CDH12: variants seen among roughly 807,000 people sequenced by gnomAD.
CDH12 encodes the protein cadherin 12, also known as cadherin-12.
CDH12 carries 41 observed loss-of-function variants against 74.1 expected under a neutral mutation model. That is an observed-to-expected ratio of 0.55 (90% CI 0.43 to 0.72). The LOEUF (loss-of-function observed/expected upper bound fraction) is 0.72, where lower values mean the gene tolerates loss of function less well. Among genes scored for constraint, CDH12 ranks in the 30% least tolerant of loss-of-function variants. The pLI is 0.00. For synonymous variants in CDH12, 399 were observed against 355.0 expected (o/e 1.12, Z -1.39); for missense variants, 945 against 977.2 (o/e 0.97, Z 0.44).
intron 1 of CDH12, among the ~76,000 whole-genome samples, chr5:22,684,561 T>A (rs1444631273): frequency 6.6e-6 from 1 of 152,150 alleles, no homozygotes; most frequent in Non-Finnish European, 1.5e-5. Context: ...TAATTCCAGG[T>A]AAAGCATAAA....
At chr5:22,735,217 A>C (rs947917632) in intron 1 of CDH12, among the ~76,000 whole-genome samples, 2 of 151,912 alleles carry the variant, frequency 1.3e-5, no homozygotes, top group Non-Finnish European at 1.5e-5. Context: ...GCCGTACATT[A>C]AATGTGTGGC....
chr5:22,275,919 T>G (rs563025100), intron 3 of CDH12, among the ~76,000 whole-genome samples: 15 of 152,274 alleles, frequency 9.9e-5, no homozygotes, highest in African/African-American at 3.6e-4. Flanking sequence ...GTGTCCTGCA[T>G]AGCAAATATT....
chr5:22,241,944 T>C (rs908489394), intron 3 of CDH12, among the ~76,000 whole-genome samples: 1 of 152,130 alleles, frequency 6.6e-6, no homozygotes, highest in Admixed American at 6.5e-5. Flanking sequence ...AAATCATATA[T>C]GGAAAGGTTT....
At chr5:21,873,409 C>T (rs924685510) in intron 6 of CDH12, among the ~76,000 whole-genome samples, 2 of 152,124 alleles carry the variant, frequency 1.3e-5, no homozygotes, top group Admixed American at 6.5e-5. Context: ...TTCTCTTGTA[C>T]CCCCTTCGGA....
intron 1 of CDH12, among the ~76,000 whole-genome samples, chr5:22,769,305 A>G (rs1292349519): frequency 6.6e-6 from 1 of 152,174 alleles, no homozygotes; most frequent in African/African-American, 2.4e-5. Flanking sequence ...AGATGGGATC[A>G]GCTGGCTTGC....
chr5:22,382,311 CTACA>C (rs1180958342), intron 3 of CDH12, among the ~76,000 whole-genome samples: 1 of 147,118 alleles, frequency 6.8e-6, no homozygotes, highest in Non-Finnish European at 1.5e-5. Context: ...TTCTATATGT[CTACA>C]TACATATAGA....
At chr5:22,456,377 A>T (rs1745276359) in intron 2 of CDH12, among the ~76,000 whole-genome samples, 1 of 151,916 alleles carries the variant, frequency 6.6e-6, no homozygotes. Flanking sequence ...CCTGTACACT[A>T]TTGCTAACAA....
chr5:22,246,138 T>C (rs1257448968), intron 3 of CDH12, among the ~76,000 whole-genome samples: 1 of 152,192 alleles, frequency 6.6e-6, no homozygotes. Context: ...TTTTATATTT[T>C]GAATAAGCAT....
At chr5:21,883,811 T>C (rs1752487171) in intron 6 of CDH12, 1 of 1,596,566 alleles carries the variant, frequency 6.3e-7, no homozygotes, top group East Asian at 2.2e-5. Flanking sequence ...TGAAGTTTGG[T>C]GGGACAAGTG....
intron 5 of CDH12, among the ~76,000 whole-genome samples, chr5:21,986,301 A>G (rs544929339): frequency 6.6e-6 from 1 of 152,288 alleles, no homozygotes; most frequent in South Asian, 2.1e-4. Context: ...TATTCCCCCA[A>G]TGCTGTCTTT....
chr5:22,236,976 T>C (rs1404529975), intron 3 of CDH12, among the ~76,000 whole-genome samples: 5 of 151,600 alleles, frequency 3.3e-5, no homozygotes, highest in African/African-American at 1.2e-4. Flanking sequence ...TTTTTAATAA[T>C]AGAAGGAATA....
intron 4 of CDH12, among the ~76,000 whole-genome samples, chr5:22,153,126 C>T (rs1747712507): frequency 6.6e-6 from 1 of 151,414 alleles, no homozygotes; most frequent in Non-Finnish European, 1.5e-5. Context: ...ATATATATAC[C>T]CAGAAGAGAA....
chr5:22,778,980 G>T (rs932469586), intron 1 of CDH12, among the ~76,000 whole-genome samples: 7 of 151,992 alleles, frequency 4.6e-5, no homozygotes, highest in Non-Finnish European at 1.0e-4. Context: ...AGATATAAAG[G>T]CTGTCCAGAA....
chr5:22,640,106 A>C (rs926452533), intron 1 of CDH12, among the ~76,000 whole-genome samples: 2 of 152,188 alleles, frequency 1.3e-5, no homozygotes, highest in Non-Finnish European at 2.9e-5. Context: ...TTTGCAGCCA[A>C]CAGTCATGCA....
At chr5:22,813,778 G>T (rs1443861725) in intron 1 of CDH12, among the ~76,000 whole-genome samples, 1 of 152,114 alleles carries the variant, frequency 6.6e-6, no homozygotes, top group Non-Finnish European at 1.5e-5. Flanking sequence ...GGAAATGAAT[G>T]ATGCTGACCA....
chr5:22,142,531 TG>T, intron 4 of CDH12: 1 of 752,014 alleles, frequency 1.3e-6, no homozygotes. Flanking sequence ...AGAGAGAAAC[TG>T]GGGATGAAGA....
At chr5:21,954,277 C>G (rs1245918539) in intron 6 of CDH12, among the ~76,000 whole-genome samples, 2 of 151,150 alleles carry the variant, frequency 1.3e-5, no homozygotes, top group Non-Finnish European at 2.9e-5. Flanking sequence ...TATTGGTGCT[C>G]CTCCTCCTGT....
intron 3 of CDH12, among the ~76,000 whole-genome samples, chr5:22,298,654 A>T (rs1737734593): frequency 6.6e-6 from 1 of 152,100 alleles, no homozygotes; most frequent in South Asian, 2.1e-4. Flanking sequence ...CACTATTCTC[A>T]TTCACACCAC....
At position 22,001,893 on chromosome 5, in the gene CDH12, CAGG is replaced by C. The variant is rs1280230502; in HGVS notation, c.232-26511_232-26509del. ...TATCATGGAGTTGCTGTATAAGACC[CAGG>C]ATGCCAATCTTTGGGTTGCTGTATA... On this transcript the variant is annotated intron_variant, in intron 5 of 14. Coordinates refer to ENST00000382254, the MANE Select transcript of CDH12 (RefSeq NM_004061.5). Among the ~76,000 whole-genome samples, 181 of 152,014 alleles carry C rather than the reference CAGG, an allele frequency of 1.2e-3. 1 individual carries two copies. Among genetic ancestry groups the C allele is most frequent in the African/African-American group, 4.1e-3 (169 of 41,472 alleles).
Sources: allele counts gnomAD v4.1 joint callset (sites outside exome capture counted in the v4.1 genomes callset), GRCh38; gene constraint gnomAD v4.1.1; transcripts MANE v1.5; gene names NCBI Gene and HGNC (gene_info 2026-07-23, HGNC 2026-07-21).